The following UBALD1 variants were observed in gnomAD, a reference collection of about 807,000 sequenced individuals.
UBALD1 encodes the protein UBA-like domain-containing protein 1.
Under a neutral mutation model 16.1 loss-of-function variants are expected in UBALD1, and 5 were observed. The ratio of observed to expected loss-of-function variants is 0.31; its 90% CI spans 0.16 to 0.66. UBALD1 has a LOEUF of 0.66. UBALD1 is among the 30% of genes least tolerant of loss of function. The pLI, the probability that UBALD1 is intolerant of heterozygous loss-of-function variation, is 0.77. For synonymous variants in UBALD1, 146 were observed against 105.3 expected (o/e 1.39, Z -2.37); for missense variants, 220 against 252.8 (o/e 0.87, Z 0.88).
At position 4,610,513 on chromosome 16, in the gene UBALD1, T is replaced by C; in HGVS notation, c.163A>G (p.Ser55Gly). ...CTTACCATCTGGTGGTGATGGTGGC[T>C]GTAGGGGATGTTGGTCTCCTGGAAA... ...AFFQETNIPY[S>G]HHHHQMMCTP... Residue 55 changes from serine (S) to glycine (G), a missense_variant, in exon 2 of 3, where the codon AGC (serine) becomes GGC (glycine). Physicochemically the swap from Ser to Gly is moderately conservative, Grantham distance 56. Around this residue, in one of 2 missense-constraint regions of UBALD1, gnomAD observed 69 missense variants for 120.3 expected, o/e 0.57. Transcript: ENST00000283474. 1 of 1,611,370 alleles carries C rather than the reference T, an allele frequency of 6.2e-7. No individual in the cohort carries two copies. The highest frequency in any genetic ancestry group is 8.5e-7 in the Non-Finnish European group (1 of 1,178,752).
rs1247653103 is a variant in UBALD1, at chr16:4,614,841, G to A, written c.-44C>T. 4 of 1,450,522 alleles carry A rather than the reference G, an allele frequency of 2.8e-6. No individual in the cohort carries two copies. The highest frequency in any genetic ancestry group is 3.6e-6 in the Non-Finnish European group (4 of 1,099,002). The allele number at this position is 1,450,522 out of a possible 1,614,324, so 89.9% of individuals were successfully genotyped here. On this transcript the variant is annotated 5_prime_UTR_variant, in exon 1 of 3. Coordinates refer to ENST00000283474, the MANE Select transcript of UBALD1 (RefSeq NM_145253.3). ...GCTCCGGCCTCCCTCCTCCGCCCGC[G>A]CCTCCGCCTCACGCGTCCACCATTA...
chr16:4,614,229 G>A, intron 1 of UBALD1: 2 of 330,818 alleles, frequency 6.0e-6, no homozygotes, highest in Non-Finnish European at 1.1e-5. Context: ...GCACATGGAC[G>A]TGTGCGCACG....
chr16:4,610,522 T>C lies in UBALD1; in HGVS notation c.154A>G (p.Ile52Val). 6.2e-7 allele frequency: 1 copy of C among 1,612,396 alleles called. No homozygotes were observed. The highest frequency in any genetic ancestry group is 8.5e-7 in the Non-Finnish European group (1 of 1,179,248). ...ALSAFFQETN[I>V]PYSHHHHQMM... ...TGGTGGTGATGGTGGCTGTAGGGGA[T>C]GTTGGTCTCCTGGAAAAAGGCGCTG... is the stretch of plus-strand genomic sequence containing the variant. Residue 52 changes from isoleucine (I) to valine (V), a missense_variant, in exon 2 of 3, where the codon ATC (isoleucine) becomes GTC (valine). Coordinates refer to ENST00000283474, the MANE Select transcript of UBALD1 (RefSeq NM_145253.3).
rs1403524461 is a variant in UBALD1, at chr16:4,610,265, G to A, written c.183+228C>T. The stretch of plus-strand genomic sequence containing the variant: ...ATCCCCGGGGGCTGTAGGGTAAGGA[G>A]CTTCATTGCCCCAGAGGCCAGCGCC... On this transcript the variant is annotated intron_variant, in intron 2 of 2. Transcript: ENST00000283474. 5.6e-6 allele frequency: 4 copies of A among 714,564 alleles called. No homozygotes were observed. In the Admixed American group the frequency reaches 6.0e-5, roughly 11 times the overall value. 44.3% of individuals were successfully genotyped at this position (714,564 alleles called of 1,614,324 possible).
rs542964262 is a variant in UBALD1, at chr16:4,614,723, G to A, written c.75C>T (p.Ala25=). The A allele has an allele frequency of 3.2e-6, 5 of 1,557,944 alleles. No homozygotes were observed. Among genetic ancestry groups the A allele is most frequent in the Non-Finnish European group, 4.3e-6 (5 of 1,154,744 alleles). ...CCTGCAGCAGTTGCTTCGCCTGGTC[G>A]GCCGCGCAGCCCGCCGTCAGCACGA... ...NQFVLTAGCA[A]DQAKQLLQAA... The change falls in exon 1 of 3, where the codon GCC becomes GCT. Residue 25 remains alanine (A), a synonymous_variant. Coordinates refer to ENST00000283474, the MANE Select transcript of UBALD1 (RefSeq NM_145253.3).
Position 4,609,704 on chromosome 16 carries a change from A to G in UBALD1, c.463T>C (p.Trp155Arg), listed in dbSNP as rs1897333106. 1 of 1,470,920 alleles carries G rather than the reference A, an allele frequency of 6.8e-7. No individual in the cohort carries two copies. The highest frequency in any genetic ancestry group is 1.4e-5 in the South Asian group (1 of 69,164). The allele number at this position is 1,470,920 out of a possible 1,614,324, so 91.1% of individuals were successfully genotyped here. ...TPTPPSPASD[W>R]PPLAPQQATS... The stretch of plus-strand genomic sequence containing the variant: ...GCCTGTTGGGGGGCCAGGGGTGGCC[A>G]GTCTGAAGCCGGAGAAGGGGGTGTT... The change falls in exon 3 of 3, where the codon TGG (tryptophan) becomes CGG (arginine). Residue 155 changes from tryptophan (W) to arginine (R), a missense_variant. By Grantham distance (101) the Trp-to-Arg change is moderately radical. Coordinates refer to ENST00000283474, the MANE Select transcript of UBALD1 (RefSeq NM_145253.3).
chr16:4,613,702 ATGGGGTTAATCC>A, intron 1 of UBALD1, among the ~76,000 whole-genome samples: 1 of 152,204 alleles, frequency 6.6e-6, no homozygotes, highest in South Asian at 2.1e-4. Context: ...ACCAACCACC[ATGGGGTTAATCC>A]TGGGGTCGGT....
At position 4,609,510 on chromosome 16, in the gene UBALD1, T is replaced by G. The variant is rs1390832625; in HGVS notation, c.*123A>C. The G allele has an allele frequency of 4.4e-6, 2 of 452,714 alleles. No individual in the cohort carries two copies. Among genetic ancestry groups the G allele is most frequent in the South Asian group, 8.3e-5 (1 of 12,086 alleles). The allele number at this position is 452,714 out of a possible 1,614,324, so 28.0% of individuals were successfully genotyped here. A position where few individuals can be genotyped will look rare whatever the true frequency, so the allele number is the denominator to read the frequency against. On this transcript the variant is annotated 3_prime_UTR_variant, in exon 3 of 3. Transcript: ENST00000283474. ...GTCCCTGCCTGGCTAGAGTCCGCGC[T>G]CTCCCCTCCAGGGCTCCGGGGAACA...
chr16:4,613,019 TGGGTGCC>T (rs1897377114), intron 1 of UBALD1, among the ~76,000 whole-genome samples: 1 of 151,584 alleles, frequency 6.6e-6, no homozygotes, highest in Non-Finnish European at 1.5e-5. Flanking sequence ...GGGTGCCAGC[TGGGTGCC>T]AGGTTTTGAG....
chr16:4,611,045 T>A (rs1368621645), intron 1 of UBALD1: 2 of 238,988 alleles, frequency 8.4e-6, no homozygotes, highest in Admixed American at 5.6e-5. Flanking sequence ...AGCAAAAGCA[T>A]CCTGAAGGAG....
At chr16:4,610,643 T>C in intron 1 of UBALD1, 88 bp from the exon 2 acceptor site, 1 of 1,453,230 alleles carries the variant, frequency 6.9e-7, no homozygotes, top group Non-Finnish European at 9.4e-7. Context: ...AGGCTGGGGA[T>C]GACCCTGGCT....
chr16:4,610,251 C>A (rs1190282647), intron 2 of UBALD1: 3 of 712,792 alleles, frequency 4.2e-6, no homozygotes, highest in African/African-American at 3.5e-5. Flanking sequence ...TCCCCGGGGG[C>A]TGTAGGGTAA....
In UBALD1 at chr16:4,610,187, G is replaced by C. The variant is rs562803568; in HGVS notation, c.184-204C>G. On this transcript the variant is annotated intron_variant, in intron 2 of 2. Transcript: ENST00000283474. ...CCCAGCCTCACTCTCAGGAGCCCAC[G>C]GTGCCTGGGGCCACGAGGCTTTCCC... The C allele has an allele frequency of 8.4e-6, 6 of 714,638 alleles. No individual in the cohort carries two copies. The South Asian group carries it at 8.8e-5, about 11-fold the overall frequency. The allele number at this position is 714,638 out of a possible 1,614,324, so 44.3% of individuals were successfully genotyped here. A position where few individuals can be genotyped will look rare whatever the true frequency, so the allele number is the denominator to read the frequency against.
intron 1 of UBALD1, 42 bp from the exon 2 acceptor site, chr16:4,610,597 C>T (rs749640334): frequency 1.2e-5 from 19 of 1,582,352 alleles, no homozygotes; most frequent in Middle Eastern, 1.7e-4. Flanking sequence ...AGGCCCCCGC[C>T]GGCCCTGCCG....
intron 1 of UBALD1, chr16:4,614,328 CG>C (rs894727599): frequency 3.0e-4 from 108 of 365,762 alleles, no homozygotes; most frequent in Non-Finnish European, 2.1e-4. Flanking sequence ...AGGCCTGGGG[CG>C]TCCTCCTTCC....
chr16:4,609,789 C>T lies in UBALD1; in HGVS notation c.378G>A (p.Thr126=), dbSNP rs758992091. Residue 126 remains threonine, a synonymous_variant, in exon 3 of 3, where the codon ACG becomes ACA. Coordinates refer to ENST00000283474, the MANE Select transcript of UBALD1 (RefSeq NM_145253.3). ...GTGGGCCCCCCGGGGGCGAGGCCGCCGTGGGCCAGCTGGAGGCCGCAGAGC... is the reference window on the plus strand; with the variant it reads ...GTGGGCCCCCCGGGGGCGAGGCCGCTGTGGGCCAGCTGGAGGCCGCAGAGC... ...TSSSAASSWP[T]AASPPGGPQH... is the part of the protein sequence containing the mutation. 31 of 1,501,652 alleles carry T rather than the reference C, an allele frequency of 2.1e-5. No homozygotes were observed. The highest frequency in any genetic ancestry group is 1.8e-4 in the Middle Eastern group (1 of 5,414). 93.0% of individuals were successfully genotyped at this position (1,501,652 alleles called of 1,614,324 possible). A position where few individuals can be genotyped will look rare whatever the true frequency, so the allele number is the denominator to read the frequency against.
intron 1 of UBALD1, among the ~76,000 whole-genome samples, chr16:4,613,793 G>A (rs1049615455): frequency 6.6e-5 from 10 of 152,180 alleles, no homozygotes; most frequent in South Asian, 2.1e-4. Flanking sequence ...TGGGTTAGGA[G>A]AGGCCCGGGG....
chr16:4,611,752 C>A (rs1304639705), intron 1 of UBALD1, among the ~76,000 whole-genome samples: 8 of 152,208 alleles, frequency 5.3e-5, no homozygotes, highest in Middle Eastern at 3.2e-3. Context: ...GAGGGAGGCG[C>A]TGGGATTTGC....
In UBALD1 at chr16:4,609,744, C is replaced by T. The variant is rs773707390; in HGVS notation, c.423G>A (p.Pro141=). The change falls in exon 3 of 3, where the codon CCG becomes CCA. Residue 141 remains proline, a synonymous_variant. Coordinates refer to ENST00000283474, the MANE Select transcript of UBALD1 (RefSeq NM_145253.3). ...AAGGGGGTGTTGGAGTCCACAGGGGCGGCTGTGGCTGGTGGTGCTGTGGGC... is the reference window on the plus strand; with the variant it reads ...AAGGGGGTGTTGGAGTCCACAGGGGTGGCTGTGGCTGGTGGTGCTGTGGGC... The part of the protein sequence containing the change: ...PGGPQHHQPQ[P]PLWTPTPPSP... The T allele has an allele frequency of 6.7e-6, 10 of 1,501,386 alleles. No individual in the cohort carries two copies. In the Admixed American group the frequency reaches 9.4e-5, roughly 14 times the overall value. 93.0% of individuals were successfully genotyped at this position (1,501,386 alleles called of 1,614,324 possible).
Sources: allele counts gnomAD v4.1 joint callset (sites outside exome capture counted in the v4.1 genomes callset), GRCh38; gene constraint gnomAD v4.1.1; regional missense constraint gnomAD v4.1.1; transcripts MANE v1.5; gene names NCBI Gene and HGNC (gene_info 2026-07-23, HGNC 2026-07-21).